The following FLYWCH1 variants were observed in gnomAD, a reference collection of about 807,000 sequenced individuals.
The protein encoded by FLYWCH1 is FLYWCH-type zinc finger 1, also known as FLYWCH-type zinc finger-containing protein 1.
Under a neutral mutation model 66.4 loss-of-function variants are expected in FLYWCH1, and 75 were observed. The observed-to-expected ratio is 1.13, with a 90% CI of 0.94 to 1.37. The LOEUF is 1.37. FLYWCH1 is among the 40% of genes most tolerant of loss of function. FLYWCH1 has a pLI of 0.00. For missense variants in FLYWCH1, 1,334 were observed against 1,001.8 expected (o/e 1.33, Z -4.48); for synonymous variants, 595 against 429.9 (o/e 1.38, Z -4.75).
At position 2,950,174 on chromosome 16, in the gene FLYWCH1, G is replaced by A. The variant is rs558108953; in HGVS notation, c.*1447G>A. 1.3e-5 allele frequency: 2 copies of A among 152,420 alleles called. No homozygotes were observed. The highest frequency in any genetic ancestry group is 4.8e-5 in the African/African-American group (2 of 41,572). The allele number at this position is 152,420 out of a possible 1,614,324, so 9.4% of individuals were successfully genotyped here. On this transcript the variant is annotated 3_prime_UTR_variant, in exon 10 of 10. Transcript: ENST00000253928. The stretch of plus-strand genomic sequence containing the variant: ...GGGCAAGTGGCACCCCTGGGCCAAG[G>A]GCAGACTTGCCCACCCGTCCATCCT...
At chr16:2,939,538 C>CAGCCTGGCCAACATGGTGGAACCT (rs1567348541) in intron 8 of FLYWCH1, among the ~76,000 whole-genome samples, 1 of 108,620 alleles carries the variant, frequency 9.2e-6, no homozygotes, top group Non-Finnish European at 2.3e-5. Flanking sequence ...TGGTGAAACC[C>CAGCCTGGCCAACATGGTGGAACCT]TGTCTCTAAA....
At chr16:2,917,222 T>G (rs1212052872) in intron 2 of FLYWCH1, among the ~76,000 whole-genome samples, 1 of 111,558 alleles carries the variant, frequency 9.0e-6, no homozygotes, top group African/African-American at 3.6e-5. Context: ...AAAGTAAGCT[T>G]GTTAATAATT....
At chr16:2,934,439 C>T (rs74005529) in intron 6 of FLYWCH1, among the ~76,000 whole-genome samples, 8,264 of 152,244 alleles carry the variant, frequency 0.054, 721 homozygotes, top group African/African-American at 0.18. Context: ...TGTCCTGAAA[C>T]GCTGGCCCGA....
chr16:2,913,814 G>A lies in FLYWCH1; in HGVS notation c.-187-362G>A, dbSNP rs74503465. 1.4e-3 allele frequency among the ~76,000 whole-genome samples: 219 copies of A among 152,226 alleles called. 3 individuals are homozygous for A. The highest frequency in any genetic ancestry group is 4.9e-3 in the African/African-American group (204 of 41,524). On this transcript the variant is annotated intron_variant, in intron 1 of 9. Transcript: ENST00000253928. ...CCTCCAACGCTCATGGTTCAGTTGC[G>A]GGTAGGTGGGAGGTGGGTAGACACT...
intron 6 of FLYWCH1, chr16:2,934,866 T>G (rs969841464): frequency 3.6e-6 from 1 of 280,414 alleles, no homozygotes; most frequent in East Asian, 1.2e-4. Flanking sequence ...TCCACTACTA[T>G]TAATTGGTTT....
At chr16:2,927,415 TGAAGGAAGGA>T (rs2070609901) in intron 2 of FLYWCH1, among the ~76,000 whole-genome samples, 4 of 152,078 alleles carry the variant, frequency 2.6e-5, no homozygotes, top group African/African-American at 9.7e-5. Context: ...TTAAAAGACA[TGAAGGAAGGA>T]GTTAAACAAT....
At chr16:2,939,220 C>A (rs930043745) in intron 8 of FLYWCH1, among the ~76,000 whole-genome samples, 17 of 152,052 alleles carry the variant, frequency 1.1e-4, no homozygotes, top group Admixed American at 1.0e-3. Flanking sequence ...CTGAGGCAGG[C>A]GGATCACCTG....
chr16:2,936,858 C>T, intron 6 of FLYWCH1: 1 of 636,544 alleles, frequency 1.6e-6, no homozygotes, highest in Non-Finnish European at 2.9e-6. Context: ...CAGACACTGC[C>T]TCCCTGAAGG....
intron 6 of FLYWCH1, chr16:2,936,458 C>G (rs74005531): frequency 1.3e-5 from 6 of 447,310 alleles, no homozygotes; most frequent in East Asian, 7.0e-5. Flanking sequence ...TCCCGCCCCC[C>G]GCTGGCCTCT....
intron 1 of FLYWCH1, among the ~76,000 whole-genome samples, chr16:2,913,492 C>A (rs2070060798): frequency 6.6e-6 from 1 of 152,062 alleles, no homozygotes; most frequent in Non-Finnish European, 1.5e-5. Context: ...CAATTCTGCA[C>A]CCCAGGGAAC....
rs2070724000 is a variant in FLYWCH1, at chr16:2,930,523, TGCC to T, written c.443_445del (p.Arg148del). 2 of 1,544,288 alleles carry T rather than the reference TGCC, an allele frequency of 1.3e-6. No homozygotes were observed. Among genetic ancestry groups the T allele is most frequent in the Non-Finnish European group, 1.7e-6 (2 of 1,150,110 alleles). ...AGTGGGGGACAAGGTGTACTGGAAGTGCCGCCAACATGCTGAGCTGGGCTGCCG... is the reference window on the plus strand; with the variant it reads ...AGTGGGGGACAAGGTGTACTGGAAGTGCCAACATGCTGAGCTGGGCTGCCG... On this transcript the variant is annotated inframe_deletion, in exon 4 of 10. Transcript: ENST00000253928.
In FLYWCH1 at chr16:2,937,399, TGCTGG is replaced by T. The variant is rs755811938; in HGVS notation, c.1777+22_1777+26del. 6 of 1,521,646 alleles carry T rather than the reference TGCTGG, an allele frequency of 3.9e-6. No homozygotes were observed. Among genetic ancestry groups the T allele is most frequent in the Non-Finnish European group, 5.3e-6 (6 of 1,138,640 alleles). The allele number at this position is 1,521,646 out of a possible 1,614,324, so 94.3% of individuals were successfully genotyped here. A position where few individuals can be genotyped will look rare whatever the true frequency, so the allele number is the denominator to read the frequency against. The stretch of plus-strand genomic sequence containing the variant: ...GGACAGCCCAGGTGCGTGTGGAGGG[TGCTGG>T]GCTGGGTCTGCCTGGTCTCCCAGGA... On this transcript the variant is annotated intron_variant, in intron 7 of 9. Transcript: ENST00000253928.
At chr16:2,937,034 C>G in intron 6 of FLYWCH1, 87 bp from the exon 7 acceptor site, 1 of 1,406,610 alleles carries the variant, frequency 7.1e-7, no homozygotes, top group Non-Finnish European at 9.5e-7. Context: ...GAGGTGTGGG[C>G]GTTGTGGGAG....
At chr16:2,936,861 C>G in intron 6 of FLYWCH1, 1 of 637,424 alleles carries the variant, frequency 1.6e-6, no homozygotes, top group Non-Finnish European at 2.9e-6. Context: ...ACACTGCCTC[C>G]CTGAAGGCAT....
chr16:2,923,287 G>A (rs544550472), intron 2 of FLYWCH1: 23 of 236,968 alleles, frequency 9.7e-5, no homozygotes, highest in South Asian at 7.5e-4. Context: ...TCGCTCTGTC[G>A]CCCAGGCTGG....
intron 9 of FLYWCH1, among the ~76,000 whole-genome samples, chr16:2,944,446 G>T (rs1596402845): frequency 6.7e-6 from 1 of 150,088 alleles, no homozygotes. Flanking sequence ...CCTAATATTT[G>T]ATAATGATAA....
intron 2 of FLYWCH1, among the ~76,000 whole-genome samples, chr16:2,919,974 C>G (rs935138888): frequency 2.6e-5 from 4 of 152,072 alleles, no homozygotes; most frequent in African/African-American, 9.6e-5. Flanking sequence ...TTCCTGCTCT[C>G]GAGGGGGATA....
intron 2 of FLYWCH1, among the ~76,000 whole-genome samples, chr16:2,928,479 T>C (rs2070648358): frequency 6.6e-6 from 1 of 152,182 alleles, no homozygotes; most frequent in Non-Finnish European, 1.5e-5. Context: ...GCAGTGACTT[T>C]TACCAGGCAT....
rs1453197890 is a variant in FLYWCH1 at position 2,933,435 on chromosome 16, G to A, written c.1102G>A (p.Gly368Ser). ...PGSQVDTLLR[G>S]VDSLLYRRGP... ...GAGCCAAGTGGACACGCTGCTCCGA[G>A]GCGTGGATAGTTTGCTCTACCGCAG... Residue 368 changes from glycine (G) to serine (S), a missense_variant, in exon 5 of 10, where the codon GGC becomes AGC. Coordinates refer to ENST00000253928, the MANE Select transcript of FLYWCH1 (RefSeq NM_001308068.2). 1.2e-6 allele frequency: 2 copies of A among 1,601,044 alleles called. No homozygotes were observed. The highest frequency in any genetic ancestry group is 1.7e-6 in the Non-Finnish European group (2 of 1,174,686).
Sources: allele counts gnomAD v4.1 joint callset (sites outside exome capture counted in the v4.1 genomes callset), GRCh38; gene constraint gnomAD v4.1.1; transcripts MANE v1.5; gene names NCBI Gene and HGNC (gene_info 2026-07-23, HGNC 2026-07-21).